The following CBLC variants were observed in gnomAD, a reference collection of about 807,000 sequenced individuals.
CBLC encodes the protein Cbl proto-oncogene C.
In CBLC, 46 loss-of-function variants were observed where a neutral mutation model predicts 58.6. That is an observed-to-expected ratio of 0.79 (90% confidence interval 0.62 to 1.00). The LOEUF (loss-of-function observed/expected upper bound fraction) is 1.00, where lower values mean the gene tolerates loss of function less well. CBLC is among the 50% of genes least tolerant of loss of function. CBLC has a pLI of 0.00. For synonymous variants in CBLC, 271 were observed against 264.2 expected, an observed-to-expected ratio of 1.03 and a Z score of -0.25; for missense variants, 655 against 625.8, an observed-to-expected ratio of 1.05 and a Z score of -0.50.
chr19:44,778,185 C>T lies in CBLC; in HGVS notation c.254C>T (p.Ala85Val). The change falls in exon 1 of 11, where the codon GCC becomes GTC. Residue 85 changes from alanine to valine, a missense_variant. Ala to Val is a moderately conservative substitution (Grantham distance 64). Around this residue, in one of 3 missense-constraint regions of CBLC, gnomAD observed 280 missense variants for 237.2 expected, o/e 1.18. Transcript: ENST00000647358. Reference protein sequence around the residue: ...GSGDFLLIYLANLEAKSRQVA... With the variant: ...GSGDFLLIYLVNLEAKSRQVA... ...GGGGACTTTCTACTCATCTACCTGG[C>T]CAATCTGGAGGCCAAGAGCAGGCAG... The T allele has an allele frequency of 6.5e-7, 1 of 1,530,554 alleles. No individual in the cohort carries two copies. The allele number at this position is 1,530,554 out of a possible 1,614,324, so 94.8% of individuals were successfully genotyped here.
intron 5 of CBLC, 110 bp from the exon 6 acceptor site, chr19:44,789,894 A>G: frequency 1.3e-6 from 1 of 760,536 alleles, no homozygotes; most frequent in Non-Finnish European, 2.4e-6. Flanking sequence ...TTTGGGACAG[A>G]TCCTCAACTC....
At chr19:44,794,463 T>C (rs1364455338) in intron 9 of CBLC, among the ~76,000 whole-genome samples, 182 bp downstream of exon 9, 1 of 141,044 alleles carries the variant, frequency 7.1e-6, no homozygotes, top group East Asian at 3.3e-4. Context: ...CTTTCTTTTT[T>C]TTTTTTTTTT....
chr19:44,793,643 T>C (rs748765725), intron 8 of CBLC, 23 bp downstream of exon 8: 16 of 1,558,616 alleles, frequency 1.0e-5, no homozygotes, highest in Non-Finnish European at 1.4e-5. Flanking sequence ...AGCCGGGAGC[T>C]GGAATCCAAA....
chr19:44,780,788 C>G, intron 1 of CBLC, 117 bp from the exon 2 acceptor site: 1 of 1,103,112 alleles, frequency 9.1e-7, no homozygotes, highest in East Asian at 2.4e-5. Context: ...GGACTCTTAC[C>G]TTACACTGTT....
In CBLC at chr19:44,781,049, C is replaced by T; in HGVS notation, c.498C>T (p.Ala166=). 2 of 1,611,528 alleles carry T rather than the reference C, an allele frequency of 1.2e-6. No individual in the cohort carries two copies. Among genetic ancestry groups the T allele is most frequent in the East Asian group, 2.2e-5 (1 of 44,868 alleles). ...AHTFWRESCG[A]RCVLPWAEFE... Reference sequence around the variant, plus strand: ...CCTTCTGGAGGGAAAGTTGCGGAGCCCGGTGAGTAAGCCCTTGTCCTCAGC... The same window carrying T: ...CCTTCTGGAGGGAAAGTTGCGGAGCTCGGTGAGTAAGCCCTTGTCCTCAGC... The change falls in exon 2 of 11, where the codon GCC becomes GCT. Residue 166 remains alanine (A), a splice_region_variant and synonymous_variant. Transcript: ENST00000647358.
intron 6 of CBLC, among the ~76,000 whole-genome samples, chr19:44,791,836 T>A (rs561079054): frequency 6.6e-6 from 1 of 151,996 alleles, no homozygotes; most frequent in East Asian, 1.9e-4. Context: ...TTTGGTTTAT[T>A]ATTTTTTTTT....
chr19:44,785,246 T>A (rs1967868519), intron 5 of CBLC, among the ~76,000 whole-genome samples: 1 of 151,404 alleles, frequency 6.6e-6, no homozygotes, highest in Non-Finnish European at 1.5e-5. Flanking sequence ...AAATGCTGAT[T>A]ACAGGCATGA....
chr19:44,799,434 A>G (rs1191764406), intron 9 of CBLC, among the ~76,000 whole-genome samples: 1 of 151,916 alleles, frequency 6.6e-6, no homozygotes, highest in Non-Finnish European at 1.5e-5. Context: ...CTGGGTTCAA[A>G]CGATTCTCCT....
chr19:44,788,700 A>C (rs1249051840), intron 5 of CBLC, among the ~76,000 whole-genome samples: 1 of 151,378 alleles, frequency 6.6e-6, no homozygotes, highest in East Asian at 2.0e-4. Flanking sequence ...ACGGGGTTTC[A>C]CCATGTTGGC....
At chr19:44,799,269 C>T (rs2096027592) in intron 9 of CBLC, among the ~76,000 whole-genome samples, 1 of 152,142 alleles carries the variant, frequency 6.6e-6, no homozygotes, top group South Asian at 2.1e-4. Context: ...CCCAGGAGGT[C>T]AAGGCTGCAG....
At chr19:44,782,281 G>A (rs189644372) in intron 3 of CBLC, 89 bp from the exon 4 acceptor site, 190 of 1,570,486 alleles carry the variant, frequency 1.2e-4, no homozygotes, top group Non-Finnish European at 1.4e-4. Flanking sequence ...GTGTGAAGGA[G>A]GTGGTTGGAT....
At position 44,791,949 on chromosome 19, in the gene CBLC, A is replaced by G. The variant is rs139542978; in HGVS notation, c.1006-434A>G. On this transcript the variant is annotated intron_variant, in intron 6 of 10. Transcript: ENST00000647358. ...CGCCAGAAGTGCTGGGATTACAGGCATGAGCCACAGCGCCAAGATAGAGGA... is the reference window on the plus strand; with the variant it reads ...CGCCAGAAGTGCTGGGATTACAGGCGTGAGCCACAGCGCCAAGATAGAGGA... 1.5e-4 allele frequency among the ~76,000 whole-genome samples: 22 copies of G among 151,456 alleles called. No individual in the cohort carries two copies. In the East Asian group the frequency reaches 4.3e-3, roughly 30 times the overall value.
At chr19:44,789,222 C>G (rs1204138052) in intron 5 of CBLC, among the ~76,000 whole-genome samples, 1 of 152,114 alleles carries the variant, frequency 6.6e-6, no homozygotes, top group African/African-American at 2.4e-5. Flanking sequence ...AAATGCCTTT[C>G]CCACCCTGAG....
intron 9 of CBLC, among the ~76,000 whole-genome samples, chr19:44,797,610 C>T (rs572287585): frequency 3.6e-5 from 5 of 139,852 alleles, no homozygotes; most frequent in African/African-American, 1.3e-4. Flanking sequence ...CTCTGTCTAG[C>T]GGAGTGTGGT....
intron 5 of CBLC, among the ~76,000 whole-genome samples, chr19:44,785,806 C>T (rs989229939): frequency 3.3e-5 from 5 of 151,712 alleles, no homozygotes; most frequent in African/African-American, 9.7e-5. Flanking sequence ...GGTGCAGTGG[C>T]GTGCACCTGT....
rs1445991874 is a variant in CBLC, at chr19:44,792,450, A to G, written c.1073A>G (p.Asn358Ser). The G allele has an allele frequency of 6.2e-7, 1 of 1,613,302 alleles. No individual in the cohort carries two copies. The highest frequency in any genetic ancestry group is 8.5e-7 in the Non-Finnish European group (1 of 1,179,762). The part of the protein sequence containing the change: ...FELCKICAES[N>S]KDVKIEPCGH... The stretch of plus-strand genomic sequence containing the variant: ...CTCTGCAAGATCTGTGCTGAGAGCA[A>G]CAAGGATGTGAAGATTGAGCCGTGC... The change falls in exon 7 of 11, where the codon AAC becomes AGC. Residue 358 changes from asparagine (N) to serine (S), a missense_variant. Around this residue, in one of 3 missense-constraint regions of CBLC, gnomAD observed 371 missense variants for 370.8 expected, o/e 1.00. Coordinates refer to ENST00000647358, the MANE Select transcript of CBLC (RefSeq NM_012116.4).
rs1337489172 is a variant in CBLC, at chr19:44,781,010, G to A, written c.459G>A (p.Lys153=). Residue 153 remains lysine (K), a synonymous_variant, in exon 2 of 11, where the codon AAG becomes AAA. Transcript: ENST00000647358. ...GTGGACACATGTACCAGCTCACCAA[G>A]GCCCCCGCCCACACCTTCTGGAGGG... is the stretch of plus-strand genomic sequence containing the variant. ...KYCGHMYQLT[K]APAHTFWRES... is the part of the protein sequence containing the mutation. 6.2e-7 allele frequency: 1 copy of A among 1,613,362 alleles called. No homozygotes were observed. The highest frequency in any genetic ancestry group is 8.5e-7 in the Non-Finnish European group (1 of 1,180,012).
At chr19:44,784,977 T>G (rs963846451) in intron 5 of CBLC, among the ~76,000 whole-genome samples, 229 of 123,820 alleles carry the variant, frequency 1.8e-3, no homozygotes, top group African/African-American at 6.6e-3. Context: ...TTTTTTTTTT[T>G]TTTTTTTTTT....
rs914689240 is a variant in CBLC, at chr19:44,780,992, C to T, written c.441C>T (p.His147=). The stretch of plus-strand genomic sequence containing the variant: ...TCCCCGGGGGAAAGTACTGTGGACA[C>T]ATGTACCAGCTCACCAAGGCCCCCG... The part of the protein sequence containing the change: ...ALFPGGKYCG[H]MYQLTKAPAH... Residue 147 remains histidine (H), a synonymous_variant, in exon 2 of 11, where the codon CAC becomes CAT. Transcript: ENST00000647358. The T allele has an allele frequency of 7.1e-5, 114 of 1,613,544 alleles. No homozygotes were observed. The highest frequency in any genetic ancestry group is 9.6e-5 in the Non-Finnish European group (113 of 1,179,960).
Sources: allele counts gnomAD v4.1 joint callset (sites outside exome capture counted in the v4.1 genomes callset), GRCh38; gene constraint gnomAD v4.1.1; regional missense constraint gnomAD v4.1.1; transcripts MANE v1.5; gene names NCBI Gene and HGNC (gene_info 2026-07-23, HGNC 2026-07-21).